Variants in CNTN5 observed in about 807,000 individuals in gnomAD.
The protein encoded by CNTN5 is contactin-5.
A neutral mutation model predicts 129.1 loss-of-function variants in CNTN5; 77 were observed. The ratio of observed to expected loss-of-function variants is 0.60; its 90% CI spans 0.50 to 0.72. The LOEUF is 0.72. CNTN5 is among the 30% of genes least tolerant of loss of function. The pLI, the probability that CNTN5 is intolerant of heterozygous loss-of-function variation, is 0.00. For missense variants in CNTN5, 1,478 were observed against 1,328.8 expected (o/e 1.11, Z -1.75); for synonymous variants, 509 against 465.6 (o/e 1.09, Z -1.20).
intron 15 of CNTN5, among the ~76,000 whole-genome samples, chr11:100,197,268 A>C (rs1477058919): frequency 6.6e-6 from 1 of 151,992 alleles, no homozygotes; most frequent in East Asian, 1.9e-4. Flanking sequence ...GGAAAGCAGC[A>C]GAGGCCTCAA....
chr11:99,355,840 T>G (rs1938620318), intron 2 of CNTN5, among the ~76,000 whole-genome samples: 2 of 151,288 alleles, frequency 1.3e-5, no homozygotes, highest in African/African-American at 4.9e-5. Flanking sequence ...TTTTTTGTTT[T>G]TTTTGAGACG....
At chr11:100,091,931 A>C (rs909135233) in intron 13 of CNTN5, among the ~76,000 whole-genome samples, 1 of 152,048 alleles carries the variant, frequency 6.6e-6, no homozygotes, top group Non-Finnish European at 1.5e-5. Context: ...CAACCTCACA[A>C]AAGTGTGTGT....
At chr11:99,191,517 A>G (rs948539068) in intron 1 of CNTN5, among the ~76,000 whole-genome samples, 1 of 151,786 alleles carries the variant, frequency 6.6e-6, no homozygotes, top group South Asian at 2.1e-4. Context: ...CCCCTGGAGA[A>G]TCTTCTTAAG....
intron 3 of CNTN5, among the ~76,000 whole-genome samples, chr11:99,735,769 T>G (rs545847666): frequency 4.6e-5 from 7 of 152,304 alleles, no homozygotes; most frequent in Non-Finnish European, 8.8e-5. Context: ...CATCACCTCA[T>G]ACGGTTACCA....
At chr11:99,233,434 C>G (rs1174812154) in intron 1 of CNTN5, among the ~76,000 whole-genome samples, 1 of 152,120 alleles carries the variant, frequency 6.6e-6, no homozygotes, top group Non-Finnish European at 1.5e-5. Flanking sequence ...AGGAGGCACA[C>G]AGGTACAAAT....
intron 2 of CNTN5, among the ~76,000 whole-genome samples, chr11:99,408,493 AGAAAGAAAG>A (rs1942235635): frequency 6.8e-6 from 1 of 147,148 alleles, no homozygotes; most frequent in East Asian, 2.1e-4. Context: ...AAAGAAAGAA[AGAAAGAAAG>A]AAAGTTAGTT....
intron 7 of CNTN5, among the ~76,000 whole-genome samples, chr11:99,932,285 C>A (rs1030605185): frequency 1.2e-4 from 19 of 152,040 alleles, no homozygotes; most frequent in Non-Finnish European, 2.5e-4. Context: ...CTTCGCCTCC[C>A]GGGTTCCAGC....
At chr11:99,450,768 G>GTTTTTTT (rs34146715) in intron 2 of CNTN5, among the ~76,000 whole-genome samples, 24 of 104,998 alleles carry the variant, frequency 2.3e-4, no homozygotes, top group Non-Finnish European at 2.7e-4. Flanking sequence ...ATTGAAGCAA[G>GTTTTTTT]TTTTTTTTTT....
At chr11:99,243,415 T>G (rs1412406936) in intron 1 of CNTN5, among the ~76,000 whole-genome samples, 1 of 152,132 alleles carries the variant, frequency 6.6e-6, no homozygotes, top group East Asian at 1.9e-4. Context: ...GGTCATCTAT[T>G]TACTCTATTG....
chr11:100,013,465 C>T (rs1204447741), intron 9 of CNTN5, among the ~76,000 whole-genome samples: 3 of 152,060 alleles, frequency 2.0e-5, no homozygotes, highest in Non-Finnish European at 1.5e-5. Flanking sequence ...CAAAAAAGGA[C>T]AATTTTAACC....
intron 13 of CNTN5, among the ~76,000 whole-genome samples, chr11:100,118,429 G>T (rs1418462831): frequency 6.6e-6 from 1 of 151,892 alleles, no homozygotes; most frequent in East Asian, 1.9e-4. Flanking sequence ...TTATTATTTG[G>T]TCATAGAAAT....
intron 21 of CNTN5, among the ~76,000 whole-genome samples, chr11:100,311,651 GA>G (rs1156562431): frequency 6.6e-6 from 1 of 151,940 alleles, no homozygotes; most frequent in Non-Finnish European, 1.5e-5. Context: ...AGACACTGAA[GA>G]AATTCAGAAG....
intron 9 of CNTN5, among the ~76,000 whole-genome samples, chr11:100,037,397 A>G (rs916307091): frequency 2.6e-5 from 4 of 151,892 alleles, no homozygotes; most frequent in Non-Finnish European, 5.9e-5. Flanking sequence ...TTTTTGCATC[A>G]ATGTTCATCA....
intron 13 of CNTN5, among the ~76,000 whole-genome samples, chr11:100,119,079 T>C (rs1265250158): frequency 6.6e-6 from 1 of 151,780 alleles, no homozygotes; most frequent in Non-Finnish European, 1.5e-5. Context: ...AGACATTCTT[T>C]GAATGTCACT....
intron 8 of CNTN5, among the ~76,000 whole-genome samples, chr11:99,965,845 A>G (rs549910599): frequency 2.0e-5 from 3 of 152,266 alleles, no homozygotes; most frequent in East Asian, 1.9e-4. Context: ...TCACATCACT[A>G]TTTGATCTCT....
intron 9 of CNTN5, among the ~76,000 whole-genome samples, chr11:100,005,208 C>A (rs1018350404): frequency 2.6e-5 from 4 of 152,138 alleles, no homozygotes; most frequent in Admixed American, 2.0e-4. Flanking sequence ...TTAATCCAAT[C>A]AACTCTTTAT....
At chr11:100,151,862 G>A (rs1947072165) in intron 13 of CNTN5, among the ~76,000 whole-genome samples, 2 of 152,092 alleles carry the variant, frequency 1.3e-5, no homozygotes, top group Admixed American at 1.3e-4. Context: ...TTAGCTTCCT[G>A]TGTATAGTAT....
At chr11:99,844,643 A>G (rs1467715709) in intron 4 of CNTN5, 2 of 550,796 alleles carry the variant, frequency 3.6e-6, no homozygotes, top group Non-Finnish European at 6.4e-6. Flanking sequence ...CACGTTTAAC[A>G]GCATTTTTAG....
chr11:99,709,684 C>T (rs1258153492), intron 3 of CNTN5, among the ~76,000 whole-genome samples: 5 of 151,552 alleles, frequency 3.3e-5, no homozygotes, highest in African/African-American at 1.2e-4. Flanking sequence ...TAAATAATGC[C>T]ATCTAGTTTA....
Sources: allele counts gnomAD v4.1 joint callset (sites outside exome capture counted in the v4.1 genomes callset), GRCh38; gene constraint gnomAD v4.1.1; transcripts MANE v1.5; gene names NCBI Gene and HGNC (gene_info 2026-07-23, HGNC 2026-07-21).